The following TUBGCP3 variants were observed in gnomAD, a reference collection of about 807,000 sequenced individuals.
TUBGCP3 encodes gamma-tubulin complex component 3.
A neutral mutation model predicts 123.1 loss-of-function variants in TUBGCP3; 50 were observed. The observed-to-expected ratio is 0.41, with a 90% CI of 0.32 to 0.51. The LOEUF is 0.51. TUBGCP3 is among the 20% of genes least tolerant of loss of function. The probability of loss-of-function intolerance (pLI) is 0.36; values close to 1 mark genes in which losing one functional copy is unlikely to be tolerated. For synonymous variants in TUBGCP3, 405 were observed against 413.9 expected, an observed-to-expected ratio of 0.98 and a Z score of 0.26; for missense variants, 882 against 1,127.0, an observed-to-expected ratio of 0.78 and a Z score of 3.11.
chr13:112,537,192 C>T (rs909841150), intron 11 of TUBGCP3, among the ~76,000 whole-genome samples: 20 of 116,914 alleles, frequency 1.7e-4, no homozygotes, highest in Non-Finnish European at 3.0e-4. Context: ...CCATAACTTT[C>T]TCAACAATGC....
At chr13:112,510,805 C>T (rs535824172) in intron 17 of TUBGCP3, among the ~76,000 whole-genome samples, 5 of 152,292 alleles carry the variant, frequency 3.3e-5, no homozygotes, top group African/African-American at 7.2e-5. Context: ...CTAGCACCAA[C>T]GGCTCAGCTT....
Position 112,588,121 on chromosome 13 carries a change from G to C in TUBGCP3, c.-141C>G. 2 of 659,078 alleles carry C rather than the reference G, an allele frequency of 3.0e-6. No individual in the cohort carries two copies. Among genetic ancestry groups the C allele is most frequent in the Non-Finnish European group, 4.5e-6 (2 of 448,746 alleles). The allele number at this position is 659,078 out of a possible 1,614,324, so 40.8% of individuals were successfully genotyped here. A position where few individuals can be genotyped will look rare whatever the true frequency, so the allele number is the denominator to read the frequency against. ...AAGGCGCGGGCGCCGCCGGCCACCA[G>C]GGCGCCATTTTAACGGAACCCGCCG... On this transcript the variant is annotated 5_prime_UTR_variant, in exon 1 of 22. Coordinates refer to ENST00000261965, the MANE Select transcript of TUBGCP3 (RefSeq NM_006322.6).
intron 20 of TUBGCP3, chr13:112,498,749 C>T (rs903176201): frequency 5.8e-5 from 88 of 1,513,496 alleles, no homozygotes; most frequent in Non-Finnish European, 1.4e-5. Context: ...GTGGAGATTC[C>T]GACGGGTGAC....
At chr13:112,590,341 C>A (rs902433680), upstream of TUBGCP3, among the ~76,000 whole-genome samples, 9 of 152,146 alleles carry the variant, frequency 5.9e-5, 1 homozygote, top group Admixed American at 5.2e-4. Flanking sequence ...TTATTGATTT[C>A]TTGAGGAGAA....
intron 3 of TUBGCP3, 30 bp downstream of exon 3, chr13:112,565,081 T>C: frequency 6.3e-7 from 1 of 1,599,784 alleles, no homozygotes; most frequent in East Asian, 2.2e-5. Flanking sequence ...CAACAATGAG[T>C]GCAATGACCT....
chr13:112,491,035 TCTC>T (rs2139186585), intron 20 of TUBGCP3, among the ~76,000 whole-genome samples: 1 of 152,332 alleles, frequency 6.6e-6, no homozygotes, highest in Non-Finnish European at 1.5e-5. Flanking sequence ...GTTTGTGCCT[TCTC>T]CTCCCGCTAC....
rs1304307487 is a variant in TUBGCP3 at position 112,522,320 on chromosome 13, T to A, written c.1745A>T (p.Lys582Ile). 6.4e-7 allele frequency: 1 copy of A among 1,570,034 alleles called. No homozygotes were observed. The highest frequency in any genetic ancestry group is 1.3e-5 in the African/African-American group (1 of 74,386). ...DFIRHLMDLL[K>I]PELVRPATTL... Reference sequence around the variant, plus strand: ...TATAGAAATCAAAATAGTGCCTTACTTTAGCAAGTCCATTAAGTGCCTTAT... The same window carrying A: ...TATAGAAATCAAAATAGTGCCTTACATTAGCAAGTCCATTAAGTGCCTTAT... Residue 582 changes from lysine (K) to isoleucine (I), a missense_variant and splice_region_variant, in exon 14 of 22, where the codon AAA becomes ATA. Physicochemically the swap from Lys to Ile is moderately radical, Grantham distance 102 (BLOSUM62 -3). Transcript: ENST00000261965.
In TUBGCP3 at chr13:112,519,267, A is replaced by C. The variant is rs1229065473; in HGVS notation, c.1882-224T>G. ...GCAATGCATGGTGTATTTCTGAATGAATATTGTGACTATGCGTTTAAAATT... is the reference window on the plus strand; with the variant it reads ...GCAATGCATGGTGTATTTCTGAATGCATATTGTGACTATGCGTTTAAAATT... On this transcript the variant is annotated intron_variant, in intron 15 of 21. Transcript: ENST00000261965. The surrounding 1 kb of genome is among the most constrained non-coding windows in gnomAD (Gnocchi z 6.2). Among the ~76,000 whole-genome samples the C allele has an allele frequency of 6.6e-6, 1 of 152,252 alleles. No individual in the cohort carries two copies. The highest frequency in any genetic ancestry group is 1.5e-5 in the Non-Finnish European group (1 of 68,046).
At chr13:112,550,614 G>A (rs1035940465) in intron 8 of TUBGCP3, among the ~76,000 whole-genome samples, 2 of 152,204 alleles carry the variant, frequency 1.3e-5, no homozygotes, top group Non-Finnish European at 1.5e-5. Flanking sequence ...ATGCGGTAAC[G>A]TAGGGCAAGC....
intron 8 of TUBGCP3, among the ~76,000 whole-genome samples, chr13:112,551,216 A>G (rs1879559136): frequency 6.6e-6 from 1 of 152,270 alleles, no homozygotes; most frequent in Non-Finnish European, 1.5e-5. Context: ...TCTACAACCA[A>G]AAGAGTGGAA....
At chr13:112,582,011 T>C (rs1277733954) in intron 1 of TUBGCP3, among the ~76,000 whole-genome samples, 1 of 152,192 alleles carries the variant, frequency 6.6e-6, no homozygotes, top group African/African-American at 2.4e-5. Context: ...TCTTGCTGAT[T>C]ATAAAATATT....
At chr13:112,527,520 ATATT>A in intron 11 of TUBGCP3, 36 bp from the exon 12 acceptor site, 1 of 1,447,112 alleles carries the variant, frequency 6.9e-7, no homozygotes, top group Non-Finnish European at 9.7e-7. Flanking sequence ...TTCAAGAGTG[ATATT>A]TATGGCAAAA....
rs71131496 is a variant in TUBGCP3 at position 112,578,558 on chromosome 13, CAAAAAAAAAAAAAAAA to C, written c.77-9315_77-9300del. Among the ~76,000 whole-genome samples the C allele has an allele frequency of 2.4e-3, 61 of 24,916 alleles. 1 individual carries two copies. Among genetic ancestry groups the C allele is most frequent in the African/African-American group, 8.4e-3 (57 of 6,754 alleles). The allele number at this position is 24,916 out of a possible 152,430, so 16.3% of individuals were successfully genotyped here. A position where few individuals can be genotyped will look rare whatever the true frequency, so the allele number is the denominator to read the frequency against. On this transcript the variant is annotated intron_variant, in intron 1 of 21. Transcript: ENST00000261965. ...TGGGCGAAAGAGTGAGACTCCGTCT[CAAAAAAAAAAAAAAAA>C]AAAAAAAAAAAAGAACCTGCTCTCC... is the stretch of plus-strand genomic sequence containing the variant.
At chr13:112,598,654 G>A in the TUBGCP3 span, among the ~76,000 whole-genome samples, 7 of 152,144 alleles carry the variant, frequency 4.6e-5, no homozygotes, top group African/African-American at 1.7e-4. Flanking sequence ...CTAATAAAGA[G>A]TAAATTATCG....
At chr13:112,544,253 A>T (rs543591889) in intron 11 of TUBGCP3, among the ~76,000 whole-genome samples, 2 of 152,134 alleles carry the variant, frequency 1.3e-5, no homozygotes, top group South Asian at 4.2e-4. Context: ...GGAGATCGAG[A>T]CCATCCTGGC....
chr13:112,571,376 C>G (rs150236440), intron 1 of TUBGCP3, among the ~76,000 whole-genome samples: 3 of 152,326 alleles, frequency 2.0e-5, no homozygotes, highest in African/African-American at 7.2e-5. Context: ...TCTCAACGAG[C>G]AGTAAGGAAT....
intron 1 of TUBGCP3, chr13:112,583,960 G>C (rs1882437770): frequency 6.6e-6 from 1 of 152,226 alleles, no homozygotes; most frequent in South Asian, 2.1e-4. Context: ...AGAAGCCCTA[G>C]AGATGAAGCC....
At chr13:112,568,304 C>T (rs560742964) in intron 2 of TUBGCP3, among the ~76,000 whole-genome samples, 1 of 151,196 alleles carries the variant, frequency 6.6e-6, no homozygotes, top group South Asian at 2.1e-4. Flanking sequence ...ATTATTGAGA[C>T]CCAAGGCCAA....
Position 112,558,269 on chromosome 13 carries a change from T to C in TUBGCP3, c.475A>G (p.Ser159Gly). ...QSAQSSGSVG[S>G]SGISSIGLCA... Reference sequence around the variant, plus strand: ...AGGCCAATGCTGCTGATGCCACTGCTGCCCACGCTGCCGGAGCTCTGGGCT... The same window carrying C: ...AGGCCAATGCTGCTGATGCCACTGCCGCCCACGCTGCCGGAGCTCTGGGCT... Residue 159 changes from serine to glycine, a missense_variant, in exon 5 of 22, where the codon AGC (serine) becomes GGC (glycine). Ser to Gly is a moderately conservative substitution (Grantham distance 56, BLOSUM62 0). Transcript: ENST00000261965. The C allele has an allele frequency of 6.2e-7, 1 of 1,612,994 alleles. No homozygotes were observed. The highest frequency in any genetic ancestry group is 1.3e-5 in the African/African-American group (1 of 75,038).
Sources: gnomAD v4.1 joint callset for allele counts (sites outside exome capture counted in the v4.1 genomes callset) on GRCh38, gnomAD v4.1.1 for gene constraint, Gnocchi (gnomAD v3.1) non-coding constraint, MANE v1.5 for transcripts, NCBI Gene and HGNC (gene_info 2026-07-23, HGNC 2026-07-21) for gene names.